The following STAT3 variants were observed in gnomAD, a reference collection of about 807,000 sequenced individuals.
STAT3 encodes the protein signal transducer and activator of transcription 3, also known as DNA-binding protein APRF.
Under a neutral mutation model 114.3 loss-of-function variants are expected in STAT3, and 7 were observed. The ratio of observed to expected loss-of-function variants is 0.06; its 90% CI spans 0.03 to 0.11. STAT3 has a LOEUF of 0.11. Among genes scored for constraint, STAT3 ranks in the 10% least tolerant of loss-of-function variants. STAT3 has a pLI of 1.00. For synonymous variants in STAT3, 331 were observed against 354.5 expected (o/e 0.93, Z 0.74); for missense variants, 364 against 960.9 (o/e 0.38, Z 8.21).
chr17:42,349,782 C>T (rs904232690), intron 1 of STAT3, among the ~76,000 whole-genome samples: 4 of 152,202 alleles, frequency 2.6e-5, no homozygotes, highest in East Asian at 3.8e-4. Flanking sequence ...TTAGGCCAGG[C>T]GCAGTGGCTT....
At chr17:42,319,296 C>A (rs905268820) in intron 21 of STAT3, among the ~76,000 whole-genome samples, 1 of 152,038 alleles carries the variant, frequency 6.6e-6, no homozygotes, top group Non-Finnish European at 1.5e-5. Context: ...AATCCCAGCA[C>A]TTTGGGAGGC....
At chr17:42,366,378 A>AATGT (rs17884090) in intron 1 of STAT3, among the ~76,000 whole-genome samples, 53,630 of 151,896 alleles carry the variant, frequency 0.35, 9,693 homozygotes, top group South Asian at 0.46. Flanking sequence ...CTGTCTTCAA[A>AATGT]ATCTGGAAGT....
At chr17:42,376,562 A>G (rs2084477576) in intron 1 of STAT3, among the ~76,000 whole-genome samples, 1 of 148,364 alleles carries the variant, frequency 6.7e-6, no homozygotes, top group East Asian at 2.1e-4. Flanking sequence ...AAAAAAAAAA[A>G]CCGGCCAGGT....
At chr17:42,346,283 G>C (rs558359816) in intron 3 of STAT3, among the ~76,000 whole-genome samples, 2 of 152,170 alleles carry the variant, frequency 1.3e-5, no homozygotes, top group South Asian at 4.1e-4. Flanking sequence ...GTAACAGTGA[G>C]AGTCATCTTC....
intron 1 of STAT3, among the ~76,000 whole-genome samples, chr17:42,356,790 G>C (rs562907065): frequency 9.9e-5 from 15 of 151,554 alleles, no homozygotes; most frequent in African/African-American, 3.4e-4. Context: ...TTTTGTTATT[G>C]TTGTTGTTGT....
intron 21 of STAT3, among the ~76,000 whole-genome samples, chr17:42,318,919 A>G (rs1049241480): frequency 2.0e-5 from 3 of 152,166 alleles, no homozygotes; most frequent in African/African-American, 7.2e-5. Flanking sequence ...GACACCCTAG[A>G]CAGAAAAGGA....
At chr17:42,387,321 T>C (rs1479862248) in intron 1 of STAT3, 1 of 152,224 alleles carries the variant, frequency 6.6e-6, no homozygotes, top group East Asian at 1.9e-4. Flanking sequence ...CCCAAATGCA[T>C]GTAAAGTTTG....
At chr17:42,381,569 T>TAA (rs548780629) in intron 1 of STAT3, among the ~76,000 whole-genome samples, 6 of 143,962 alleles carry the variant, frequency 4.2e-5, no homozygotes, top group Admixed American at 2.1e-4. Flanking sequence ...ACTAAAAATA[T>TAA]AAAAAAAAAA....
intron 1 of STAT3, among the ~76,000 whole-genome samples, chr17:42,375,456 T>C (rs1057385315): frequency 9.9e-5 from 15 of 152,226 alleles, no homozygotes; most frequent in Non-Finnish European, 2.1e-4. Context: ...GGGATTCTTA[T>C]GTTAAAACCT....
chr17:42,363,363 A>G (rs1184201123), intron 1 of STAT3, among the ~76,000 whole-genome samples: 5 of 152,168 alleles, frequency 3.3e-5, no homozygotes, highest in African/African-American at 9.6e-5. Context: ...TCATTGTCCA[A>G]TGCAAAATCT....
At chr17:42,316,925 G>T (rs765408151) in intron 22 of STAT3, 24 bp from the exon 23 acceptor site, 1 of 1,603,146 alleles carries the variant, frequency 6.2e-7, no homozygotes, top group Non-Finnish European at 8.5e-7. Context: ...GGGGCAGCAG[G>T]AGGGGAAACG....
In STAT3 at chr17:42,334,065, G is replaced by GA. The variant is rs2082130592; in HGVS notation, c.798-17dup. ...TGACGTTATCCTGCCAATAAATTAA[G>GA]AAAGATGCTAATTACCAAAGTGAAT... On this transcript the variant is annotated splice_polypyrimidine_tract_variant and intron_variant, in intron 8 of 23. Coordinates refer to ENST00000264657, the MANE Select transcript of STAT3 (RefSeq NM_139276.3). 6.2e-7 allele frequency: 1 copy of GA among 1,613,972 alleles called. No individual in the cohort carries two copies. The highest frequency in any genetic ancestry group is 1.3e-5 in the African/African-American group (1 of 75,026).
At position 42,329,693 on chromosome 17, in the gene STAT3, G is replaced by A. The variant is rs185979539; in HGVS notation, c.1140-46C>T. The A allele has an allele frequency of 6.4e-5, 103 of 1,613,946 alleles. 1 individual carries two copies. In the African/African-American group the frequency reaches 6.5e-4, roughly 10 times the overall value. On this transcript the variant is annotated intron_variant, in intron 12 of 23. Transcript: ENST00000264657. ...CAACTATGTAGGTGACCAAGTAGCC[G>A]GAGGATGAAGTTAGGTTAAACGGAA...
At chr17:42,343,623 T>A (rs1277206520) in intron 4 of STAT3, among the ~76,000 whole-genome samples, 2 of 151,848 alleles carry the variant, frequency 1.3e-5, no homozygotes, top group Non-Finnish European at 2.9e-5. Context: ...CCCAGCTAAT[T>A]TTTGTATTTT....
intron 1 of STAT3, among the ~76,000 whole-genome samples, chr17:42,381,074 A>G (rs570841894): frequency 1.2e-4 from 18 of 152,306 alleles, no homozygotes; most frequent in South Asian, 2.1e-4. Context: ...TGAAAACCAG[A>G]GAAGTGAAAA....
intron 4 of STAT3, among the ~76,000 whole-genome samples, chr17:42,340,206 GTTAGCTGAGC>G (rs2082383355): frequency 6.6e-6 from 1 of 151,646 alleles, no homozygotes; most frequent in African/African-American, 2.4e-5. Context: ...AAAATACAAA[GTTAGCTGAGC>G]TTGGTGGTGC....
intron 20 of STAT3, among the ~76,000 whole-genome samples, chr17:42,322,783 C>T (rs920843076): frequency 4.6e-5 from 7 of 152,308 alleles, no homozygotes; most frequent in East Asian, 3.9e-4. Flanking sequence ...ATTTAAATTG[C>T]AAAATTCTCA....
At chr17:42,338,959 G>A (rs780425837) in intron 5 of STAT3, 147 bp from the exon 6 acceptor site, 16 of 746,096 alleles carry the variant, frequency 2.1e-5, no homozygotes, top group Non-Finnish European at 3.1e-5. Flanking sequence ...CCCAAGAGAA[G>A]GCTCCCTGTT....
intron 8 of STAT3, 38 bp from the exon 9 acceptor site, chr17:42,334,087 G>A (rs2144833890): frequency 6.2e-7 from 1 of 1,612,082 alleles, no homozygotes; most frequent in Non-Finnish European, 8.5e-7. Context: ...TTACCAAAGT[G>A]AATGTATACA....
Sources: gnomAD v4.1 joint callset for allele counts (sites outside exome capture counted in the v4.1 genomes callset) on GRCh38, gnomAD v4.1.1 for gene constraint, MANE v1.5 for transcripts, NCBI Gene and HGNC (gene_info 2026-07-23, HGNC 2026-07-21) for gene names.